The following TENM2 variants were observed in gnomAD, a reference collection of about 807,000 sequenced individuals.
TENM2 encodes the protein teneurin transmembrane protein 2.
Under a neutral mutation model 245.2 loss-of-function variants are expected in TENM2, and 52 were observed. The ratio of observed to expected loss-of-function variants is 0.21; its 90% CI spans 0.17 to 0.27. TENM2 has a LOEUF of 0.27. Ranked by LOEUF, TENM2 falls within the 10% of genes least tolerant of loss-of-function variation. TENM2 has a pLI of 1.00. For missense variants in TENM2, 3,046 were observed against 3,666.8 expected, an observed-to-expected ratio of 0.83 and a Z score of 4.37; for synonymous variants, 1,363 against 1,438.9, an observed-to-expected ratio of 0.95 and a Z score of 1.19.
the TENM2 span, among the ~76,000 whole-genome samples, chr5:167,035,436 C>T: frequency 2.8e-4 from 42 of 152,340 alleles, no homozygotes; most frequent in South Asian, 6.2e-4. Context: ...TTATTTAAAA[C>T]TTTAATCTAA....
chr5:167,876,043 G>C (rs566862010), exon 3 of TENM2: 2 of 1,551,362 alleles, frequency 1.3e-6, no homozygotes, highest in South Asian at 2.4e-5. Flanking sequence ...CAGCTGCCTA[G>C]CTCCCATAAT....
intron 2 of TENM2, among the ~76,000 whole-genome samples, chr5:167,500,077 A>AGT (rs1380621718): frequency 1.0e-5 from 1 of 97,970 alleles, no homozygotes; most frequent in Admixed American, 1.1e-4. Flanking sequence ...TGTGTGTGTG[A>AGT]GTGTGTGTGT....
chr5:167,239,029 T>C, the TENM2 span, among the ~76,000 whole-genome samples: 6 of 152,232 alleles, frequency 3.9e-5, no homozygotes, highest in South Asian at 6.2e-4. Context: ...TCCTTATGTG[T>C]CTGGGTCTAT....
In TENM2 at chr5:167,513,568, T is replaced by C. The variant is rs143811052; in HGVS notation, c.502+138095T>C. On this transcript the variant is annotated intron_variant, in intron 2 of 28. Transcript: ENST00000518659. Reference sequence around the variant, plus strand: ...TTTGTTTTGGCATGTGGTGCCGTCTTTGGTATACATGCCATTTGCAGGATC... The same window carrying C: ...TTTGTTTTGGCATGTGGTGCCGTCTCTGGTATACATGCCATTTGCAGGATC... 1.6e-3 allele frequency among the ~76,000 whole-genome samples: 240 copies of C among 152,276 alleles called. 5 individuals are homozygous for C. The East Asian group carries it at 0.034, about 21-fold the overall frequency.
intron 13 of TENM2, among the ~76,000 whole-genome samples, chr5:168,169,892 G>A (rs1194523511): frequency 6.6e-6 from 1 of 152,222 alleles, no homozygotes; most frequent in Non-Finnish European, 1.5e-5. Context: ...TGTGGCAAAT[G>A]TAGCTGGAGC....
rs191299203 is a variant in TENM2 at position 167,382,231 on chromosome 5, G to A, written c.502+6758G>A. 4.6e-3 allele frequency among the ~76,000 whole-genome samples: 695 copies of A among 152,274 alleles called. 4 individuals carry two copies. Among genetic ancestry groups the A allele is most frequent in the South Asian group, 0.011 (51 of 4,822 alleles). On this transcript the variant is annotated intron_variant, in intron 2 of 28. Transcript: ENST00000518659. ...TTTCAGGAGGAAGCCATTTAAAGAG[G>A]AGGAAAATGACTTTGTGCTAATTAT...
At chr5:167,732,890 G>A (rs1582867121) in intron 2 of TENM2, among the ~76,000 whole-genome samples, 1 of 152,174 alleles carries the variant, frequency 6.6e-6, no homozygotes, top group African/African-American at 2.4e-5. Flanking sequence ...TAAGGTTACA[G>A]GTAACTGAGT....
At chr5:168,193,553 T>C (rs1761133777) in intron 14 of TENM2, among the ~76,000 whole-genome samples, 1 of 152,120 alleles carries the variant, frequency 6.6e-6, no homozygotes, top group Admixed American at 6.5e-5. Context: ...ATTTGAAAAA[T>C]AGAGGATAGA....
chr5:167,094,657 G>A, the TENM2 span, among the ~76,000 whole-genome samples: 2 of 152,094 alleles, frequency 1.3e-5, no homozygotes, highest in Non-Finnish European at 2.9e-5. Context: ...TTTAAGTCTT[G>A]TGCTACTTCT....
At chr5:167,807,779 A>T (rs1204990983) in intron 2 of TENM2, among the ~76,000 whole-genome samples, 1 of 152,094 alleles carries the variant, frequency 6.6e-6, no homozygotes, top group Admixed American at 6.6e-5. Context: ...GCAGGGCAAC[A>T]TGAAAACTCC....
At chr5:167,932,254 G>A (rs1002931052) in intron 3 of TENM2, among the ~76,000 whole-genome samples, 1 of 152,128 alleles carries the variant, frequency 6.6e-6, no homozygotes, top group Non-Finnish European at 1.5e-5. Flanking sequence ...CGAAAGGAAA[G>A]GTGGTTGTTT....
intron 23 of TENM2, among the ~76,000 whole-genome samples, chr5:168,224,135 C>T (rs2152573048): frequency 6.6e-6 from 1 of 152,310 alleles, no homozygotes; most frequent in Middle Eastern, 3.4e-3. Flanking sequence ...GTAAATAGCA[C>T]CTTTGTCCCC....
intron 19 of TENM2, 75 bp from the exon 22 acceptor site, chr5:168,211,659 T>G: frequency 1.0e-6 from 1 of 994,088 alleles, no homozygotes; most frequent in Admixed American, 2.9e-5. Context: ...GAAACAAAAA[T>G]GTTATGTTTG....
chr5:167,922,255 T>G (rs924713624), intron 3 of TENM2, among the ~76,000 whole-genome samples: 2 of 152,164 alleles, frequency 1.3e-5, no homozygotes, highest in African/African-American at 4.8e-5. Flanking sequence ...CCCTCCTTAG[T>G]GTACACTGAC....
At chr5:167,646,780 G>C (rs1252244276) in intron 2 of TENM2, among the ~76,000 whole-genome samples, 1 of 152,104 alleles carries the variant, frequency 6.6e-6, no homozygotes, top group Admixed American at 6.5e-5. Context: ...CCCAGCATTA[G>C]GCGTATAATT....
intron 3 of TENM2, among the ~76,000 whole-genome samples, chr5:167,946,741 C>G (rs1162068438): frequency 6.6e-6 from 1 of 152,124 alleles, no homozygotes; most frequent in African/African-American, 2.4e-5. Context: ...TATATGACAT[C>G]TGGTGCATTA....
At chr5:167,511,577 G>C (rs757700342) in intron 2 of TENM2, among the ~76,000 whole-genome samples, 5 of 152,178 alleles carry the variant, frequency 3.3e-5, no homozygotes, top group Non-Finnish European at 7.3e-5. Context: ...GTGGCAGAGA[G>C]AAATTTACTT....
At chr5:167,613,409 C>T (rs1459927195) in intron 2 of TENM2, among the ~76,000 whole-genome samples, 8 of 152,090 alleles carry the variant, frequency 5.3e-5, no homozygotes, top group Non-Finnish European at 1.0e-4. Flanking sequence ...GTATCTTGCT[C>T]GTTTACCAGT....
At chr5:167,260,226 T>C in the TENM2 span, among the ~76,000 whole-genome samples, 1 of 152,200 alleles carries the variant, frequency 6.6e-6, no homozygotes, top group Non-Finnish European at 1.5e-5. Flanking sequence ...AATGATAAAT[T>C]ATTCTTTATT....
Sources: gnomAD v4.1 joint callset for allele counts (sites outside exome capture counted in the v4.1 genomes callset) on GRCh38, gnomAD v4.1.1 for gene constraint, MANE v1.5 for transcripts, NCBI Gene and HGNC (gene_info 2026-07-23, HGNC 2026-07-21) for gene names.